Variants in FBXO6 observed in about 807,000 individuals in gnomAD.
FBXO6 encodes F-box only protein 6.
In FBXO6, 13 loss-of-function variants were observed where a neutral mutation model predicts 25.0. The ratio of observed to expected loss-of-function variants is 0.52; its 90% CI spans 0.34 to 0.83. FBXO6 has a LOEUF of 0.83. Ranked by LOEUF, FBXO6 falls within the 40% of genes least tolerant of loss-of-function variation. The pLI, the probability that FBXO6 is intolerant of heterozygous loss-of-function variation, is 0.02. For synonymous variants in FBXO6, 138 were observed against 155.3 expected, an observed-to-expected ratio of 0.89 and a Z score of 0.83; for missense variants, 370 against 380.2, an observed-to-expected ratio of 0.97 and a Z score of 0.22.
chr1:11,666,009 T>TG (rs1328905654), intron 1 of FBXO6, among the ~76,000 whole-genome samples: 2 of 151,356 alleles, frequency 1.3e-5, no homozygotes, highest in Non-Finnish European at 2.9e-5. Context: ...TGTTATTTTT[T>TG]TTTTCCATCA....
chr1:11,666,041 T>C (rs1456844528), intron 1 of FBXO6, among the ~76,000 whole-genome samples: 2 of 109,896 alleles, frequency 1.8e-5, no homozygotes, highest in Non-Finnish European at 3.8e-5. Context: ...TTTTCTCTTT[T>C]TTTTTTTTTT....
In FBXO6 at chr1:11,673,927, C is replaced by A; in HGVS notation, c.*76C>A. On this transcript the variant is annotated 3_prime_UTR_variant, in exon 6 of 6. Coordinates refer to ENST00000376753, the MANE Select transcript of FBXO6 (RefSeq NM_018438.6). This position sits in a 1 kb window ranked among gnomAD's most constrained non-coding sequence, Gnocchi z 4.3. ...CTGAGCATGGGGTGGGCAGTGAGGT[C>A]CCTGTACCAGCGACTCCTGCCCCGG... is the stretch of plus-strand genomic sequence containing the variant. 1 of 1,352,264 alleles carries A rather than the reference C, an allele frequency of 7.4e-7. No individual in the cohort carries two copies. The highest frequency in any genetic ancestry group is 2.3e-5 in the East Asian group (1 of 43,340). 83.8% of individuals were successfully genotyped at this position (1,352,264 alleles called of 1,614,324 possible).
rs1227888420 is a variant in FBXO6 at position 11,668,863 on chromosome 1, G to GT, written c.205_206insT (p.Asp69ValfsTer18). On this transcript the variant is annotated frameshift_variant, in exon 2 of 6. Transcript: ENST00000376753. LOFTEE classifies it high-confidence loss of function. ...AGAGGGCTTCATCACCAAGGACTGG[G>GT]ACCAGCCCGTGGCCGACTGGAAAAT... 1 of 1,614,056 alleles carries GT rather than the reference G, an allele frequency of 6.2e-7. No individual in the cohort carries two copies. Among genetic ancestry groups the GT allele is most frequent in the African/African-American group, 1.3e-5 (1 of 74,922 alleles).
chr1:11,667,604 T>A (rs1200518437), intron 1 of FBXO6, among the ~76,000 whole-genome samples: 1 of 151,676 alleles, frequency 6.6e-6, no homozygotes, highest in Non-Finnish European at 1.5e-5. Context: ...ATCTGATTTT[T>A]TTTTTCCGGC....
intron 1 of FBXO6, chr1:11,664,881 A>C (rs3125812): frequency 0.64 from 97,542 of 151,660 alleles, 33,354 homozygotes; most frequent in African/African-American, 0.89. Flanking sequence ...CAAAATGCCC[A>C]GGGCCGGGGG....
At chr1:11,665,554 C>T (rs868295926) in intron 1 of FBXO6, among the ~76,000 whole-genome samples, 1 of 37,848 alleles carries the variant, frequency 2.6e-5, no homozygotes, top group Non-Finnish European at 4.0e-5. Flanking sequence ...CGCGCCCGGC[C>T]TTTTTTTTTT....
At chr1:11,664,859 A>T (rs995601540) in intron 1 of FBXO6, 3 of 151,752 alleles carry the variant, frequency 2.0e-5, no homozygotes, top group Non-Finnish European at 2.9e-5. Flanking sequence ...GCTGGCATGG[A>T]CTTCCCCACC....
chr1:11,673,874 G>A lies in FBXO6; in HGVS notation c.*23G>A, dbSNP rs545081183. Reference sequence around the variant, plus strand: ...TGACAGCTGTCCATCCTGTGTCTGGGTCAGCCAGAGGTTCCTCCAGGCAGG... The same window carrying A: ...TGACAGCTGTCCATCCTGTGTCTGGATCAGCCAGAGGTTCCTCCAGGCAGG... On this transcript the variant is annotated 3_prime_UTR_variant, in exon 6 of 6. Transcript: ENST00000376753. The surrounding 1 kb of genome is among the most constrained non-coding windows in gnomAD (Gnocchi z 4.3). 6.2e-7 allele frequency: 1 copy of A among 1,609,968 alleles called. No homozygotes were observed. Among genetic ancestry groups the A allele is most frequent in the South Asian group, 1.1e-5 (1 of 90,986 alleles).
chr1:11,672,148 C>T (rs767690176), intron 4 of FBXO6, 125 bp downstream of exon 4: 10 of 813,744 alleles, frequency 1.2e-5, no homozygotes, highest in Admixed American at 6.7e-5. Flanking sequence ...CAGGTAGCCC[C>T]GGCCTCCGCC....
rs368813384 is a variant in FBXO6 at position 11,673,361 on chromosome 1, C to T, written c.594C>T (p.Phe198=). 19 of 1,613,974 alleles carry T rather than the reference C, an allele frequency of 1.2e-5. No homozygotes were observed. Among genetic ancestry groups the T allele is most frequent in the Non-Finnish European group, 1.6e-5 (19 of 1,180,026 alleles). The part of the protein sequence containing the change: ...ASADYFVLAS[F]EPPPVTIQQW... ...CTGACTACTTCGTGTTGGCCTCCTTCGAGCCCCCACCTGTGACCATCCAAC... is the reference window on the plus strand; with the variant it reads ...CTGACTACTTCGTGTTGGCCTCCTTTGAGCCCCCACCTGTGACCATCCAAC... The change falls in exon 5 of 6, where the codon TTC becomes TTT. Residue 198 remains phenylalanine (F), a synonymous_variant. Coordinates refer to ENST00000376753, the MANE Select transcript of FBXO6 (RefSeq NM_018438.6). The surrounding 1 kb of genome is among the most constrained non-coding windows in gnomAD (Gnocchi z 4.3).
intron 2 of FBXO6, among the ~76,000 whole-genome samples, chr1:11,670,765 G>A (rs1640594577): frequency 1.3e-5 from 2 of 152,082 alleles, no homozygotes; most frequent in Admixed American, 1.3e-4. Context: ...CTTCACATTA[G>A]TCTTTGAGGA....
Position 11,673,676 on chromosome 1 carries a change from G to T in FBXO6, c.707G>T (p.Gly236Val). The T allele has an allele frequency of 6.2e-7, 1 of 1,614,092 alleles. No individual in the cohort carries two copies. Among genetic ancestry groups the T allele is most frequent in the Non-Finnish European group, 8.5e-7 (1 of 1,180,018 alleles). Residue 236 changes from glycine (G) to valine (V), a missense_variant, in exon 6 of 6, where the codon GGC (glycine) becomes GTC (valine). Transcript: ENST00000376753. The surrounding 1 kb of genome is among the most constrained non-coding windows in gnomAD (Gnocchi z 4.3). ...CGCTACATCCTCTTCCAGCATGGGG[G>T]CAGGGACACCCAGTACTGGGCAGGC... Reference protein sequence around the residue: ...GVRYILFQHGGRDTQYWAGWY... With the variant: ...GVRYILFQHGVRDTQYWAGWY...
At chr1:11,671,495 G>A (rs779373617) in intron 3 of FBXO6, 103 bp downstream of exon 3, 77 of 1,512,440 alleles carry the variant, frequency 5.1e-5, no homozygotes, top group Middle Eastern at 1.8e-4. Context: ...TCCTCTCTGC[G>A]AAGCTCGAGG....
At chr1:11,666,315 G>A (rs1216376279) in intron 1 of FBXO6, among the ~76,000 whole-genome samples, 2 of 151,512 alleles carry the variant, frequency 1.3e-5, no homozygotes, top group Admixed American at 6.6e-5. Context: ...TATGCCCGGC[G>A]AATTTTTTCA....
chr1:11,673,164 T>A lies in FBXO6; in HGVS notation c.510-113T>A. 2 of 1,319,148 alleles carry A rather than the reference T, an allele frequency of 1.5e-6. No individual in the cohort carries two copies. The highest frequency in any genetic ancestry group is 2.0e-6 in the Non-Finnish European group (2 of 978,354). The allele number at this position is 1,319,148 out of a possible 1,614,324, so 81.7% of individuals were successfully genotyped here. ...CAGCTGGGCCTTGCAGGCAGAGCAG[T>A]GTCAGCTGATGGGAGATGAAGCTCC... On this transcript the variant is annotated intron_variant, in intron 4 of 5. Coordinates refer to ENST00000376753, the MANE Select transcript of FBXO6 (RefSeq NM_018438.6). The surrounding 1 kb of genome is among the most constrained non-coding windows in gnomAD (Gnocchi z 4.3).
chr1:11,672,299 T>G (rs1640640174), intron 4 of FBXO6, among the ~76,000 whole-genome samples: 1 of 151,978 alleles, frequency 6.6e-6, no homozygotes, highest in South Asian at 2.1e-4. Context: ...CACTTTTTTT[T>G]TTTTTGAGAC....
At chr1:11,669,513 T>G (rs1247183169) in intron 2 of FBXO6, among the ~76,000 whole-genome samples, 2 of 151,140 alleles carry the variant, frequency 1.3e-5, no homozygotes, top group Non-Finnish European at 2.9e-5. Context: ...TATTTTTTTC[T>G]GCTACAAACT....
At chr1:11,666,037 C>CTTTTTTTT (rs70983580) in intron 1 of FBXO6, among the ~76,000 whole-genome samples, 6 of 97,386 alleles carry the variant, frequency 6.2e-5, no homozygotes, top group African/African-American at 9.3e-5. Context: ...TTTCTTTTCT[C>CTTTTTTTT]TTTTTTTTTT....
intron 1 of FBXO6, among the ~76,000 whole-genome samples, chr1:11,667,220 T>C (rs960627034): frequency 6.6e-6 from 1 of 151,298 alleles, no homozygotes; most frequent in Admixed American, 6.6e-5. Context: ...GAACATTCTC[T>C]CCTCATGTGT....
Sources: allele counts gnomAD v4.1 joint callset (sites outside exome capture counted in the v4.1 genomes callset), GRCh38; gene constraint gnomAD v4.1.1; non-coding constraint Gnocchi (gnomAD v3.1); transcripts MANE v1.5; gene names NCBI Gene and HGNC (gene_info 2026-07-23, HGNC 2026-07-21).